The following ATP7B variants were observed in gnomAD, a reference collection of about 807,000 sequenced individuals.
ATP7B encodes ATPase copper transporting beta, also known as copper-transporting ATPase 2.
Under a neutral mutation model 118.9 loss-of-function variants are expected in ATP7B, and 113 were observed. The ratio of observed to expected loss-of-function variants is 0.95; its 90% CI spans 0.82 to 1.11. The LOEUF is 1.11. Among genes scored for constraint, ATP7B ranks in the 50% most tolerant of loss-of-function variants. The probability of loss-of-function intolerance (pLI) is 0.00; values close to 1 mark genes in which losing one functional copy is unlikely to be tolerated. For synonymous variants in ATP7B, 777 were observed against 727.4 expected, an observed-to-expected ratio of 1.07 and a Z score of -1.10; for missense variants, 1,867 against 1,871.4, an observed-to-expected ratio of 1.00 and a Z score of 0.04.
intron 1 of ATP7B, chr13:51,995,290 T>C: frequency 1.0e-6 from 1 of 985,308 alleles, no homozygotes; most frequent in Non-Finnish European, 1.2e-6. Context: ...CCAGGCTTTT[T>C]AGCCCATCTG....
chr13:51,958,382 TC>T lies in ATP7B; in HGVS notation c.2283del (p.Thr762HisfsTer45). On this transcript the variant is annotated frameshift_variant, in exon 8 of 21. Transcript: ENST00000242839. LOFTEE classifies it high-confidence loss of function. ...AVAEKAERSP[V>X]TFFDTPPMLF... ...AGCATGGGGGGCGTGTCGAAGAATG[TC>T]ACAGGGCTCCTCTCCGCCTTCTCAG... 6.2e-7 allele frequency: 1 copy of T among 1,614,128 alleles called. No individual in the cohort carries two copies. The highest frequency in any genetic ancestry group is 8.5e-7 in the Non-Finnish European group (1 of 1,180,002).
chr13:51,985,934 A>G (rs1403942143), intron 1 of ATP7B, among the ~76,000 whole-genome samples: 1 of 152,224 alleles, frequency 6.6e-6, no homozygotes, highest in Non-Finnish European at 1.5e-5. Flanking sequence ...GGAAATTTCT[A>G]GGACTAAATG....
intron 1 of ATP7B, among the ~76,000 whole-genome samples, chr13:51,993,796 C>T (rs2030841245): frequency 6.6e-6 from 1 of 152,136 alleles, no homozygotes; most frequent in South Asian, 2.1e-4. Flanking sequence ...ATTTATCATC[C>T]ACTTTGCAAT....
chr13:51,941,037 C>T, intron 16 of ATP7B, 44 bp downstream of exon 16: 2 of 1,613,000 alleles, frequency 1.2e-6, no homozygotes, highest in South Asian at 1.1e-5. Context: ...CTGCAGAAAA[C>T]TGTATTTCTG....
chr13:51,967,259 A>G, intron 4 of ATP7B: 2 of 769,600 alleles, frequency 2.6e-6, no homozygotes, highest in South Asian at 3.4e-5. Context: ...ACTGTGTTCA[A>G]TTATCTTTAT....
At chr13:51,958,182 G>A (rs1958478248) in intron 8 of ATP7B, 129 bp downstream of exon 8, 5 of 1,088,934 alleles carry the variant, frequency 4.6e-6, no homozygotes, top group Admixed American at 4.3e-5. Flanking sequence ...TAATTATATG[G>A]AGGTTTCCTA....
intron 3 of ATP7B, among the ~76,000 whole-genome samples, chr13:51,969,866 G>A (rs1951753535): frequency 6.6e-6 from 1 of 152,148 alleles, no homozygotes; most frequent in Non-Finnish European, 1.5e-5. Flanking sequence ...TGATTCTAAG[G>A]GCCAGGGAGT....
chr13:51,995,316 G>C (rs1035868504), intron 1 of ATP7B: 4 of 985,252 alleles, frequency 4.1e-6, no homozygotes, highest in Admixed American at 6.1e-5. Flanking sequence ...GCACTGACCT[G>C]ACTGGAACTC....
chr13:51,958,164 G>C (rs1010500703), intron 8 of ATP7B, 147 bp downstream of exon 8: 9 of 897,892 alleles, frequency 1.0e-5, no homozygotes, highest in South Asian at 3.3e-5. Context: ...TTAGTGACTA[G>C]AGCACCTTAA....
At chr13:51,973,263 G>A (rs956633793) in intron 2 of ATP7B, among the ~76,000 whole-genome samples, 4 of 152,166 alleles carry the variant, frequency 2.6e-5, no homozygotes, top group Admixed American at 6.5e-5. Flanking sequence ...CTCTATTTCA[G>A]GATACAGAAT....
intron 1 of ATP7B, among the ~76,000 whole-genome samples, chr13:51,976,004 C>A (rs887314054): frequency 2.6e-5 from 4 of 152,338 alleles, no homozygotes; most frequent in African/African-American, 7.2e-5. Flanking sequence ...ATTAAAGAAC[C>A]TGTTTTCTTA....
In ATP7B at chr13:51,942,463, A is replaced by T. The variant is rs746731660; in HGVS notation, c.3335T>A (p.Ile1112Asn). The change falls in exon 15 of 21, where the codon ATC becomes AAC. Residue 1112 changes from isoleucine (I) to asparagine (N), a missense_variant. Ile to Asn is a moderately radical substitution (Grantham distance 149, BLOSUM62 -3). Transcript: ENST00000242839. ...CAAAGGGCGCTCACTGTGGGCCAGGATGCCTTCCACGTTGCTGACTTTGCA... is the reference window on the plus strand; with the variant it reads ...CAAAGGGCGCTCACTGTGGGCCAGGTTGCCTTCCACGTTGCTGACTTTGCA... ...IGCKVSNVEG[I>N]LAHSERPLSA... 7.4e-6 allele frequency: 12 copies of T among 1,614,116 alleles called. No individual in the cohort carries two copies. The highest frequency in any genetic ancestry group is 1.0e-5 in the Non-Finnish European group (12 of 1,180,052).
rs1375753434 is a variant in ATP7B at position 51,997,989 on chromosome 13, C to G, written c.51+13298G>C. Among the ~76,000 whole-genome samples, 3 of 152,308 alleles carry G rather than the reference C, an allele frequency of 2.0e-5. No homozygotes were observed. The East Asian group carries it at 5.8e-4, about 29-fold the overall frequency. On this transcript the variant is annotated intron_variant, in intron 1 of 20. Coordinates refer to ENST00000242839, the MANE Select transcript of ATP7B (RefSeq NM_000053.4). ...CCAAGGCATGGGCCACCTTCCTAGG[C>G]TACAGTATTAAGTCCAAACTCCTCT... is the stretch of plus-strand genomic sequence containing the variant.
chr13:51,988,312 T>C (rs1952755282), intron 1 of ATP7B, among the ~76,000 whole-genome samples: 1 of 152,008 alleles, frequency 6.6e-6, no homozygotes, highest in African/African-American at 2.4e-5. Context: ...AAAAAGCTCA[T>C]CATCACTGGT....
In ATP7B at chr13:51,941,217, G is replaced by A. The variant is rs781499175; in HGVS notation, c.3420C>T (p.Val1140=). ...CAATCAGCACAGAGAAGGTCTGGGG[G>A]ACTGCATCTATTCAAAAGAGGCTGT... ...AGSLPAEKDA[V]PQTFSVLIGN... is the part of the protein sequence containing the mutation. Residue 1140 remains valine (V), a synonymous_variant, in exon 16 of 21, where the codon GTC becomes GTT. Coordinates refer to ENST00000242839, the MANE Select transcript of ATP7B (RefSeq NM_000053.4). 1.2e-6 allele frequency: 2 copies of A among 1,614,038 alleles called. No homozygotes were observed. Among genetic ancestry groups the A allele is most frequent in the Non-Finnish European group, 8.5e-7 (1 of 1,179,998 alleles).
In ATP7B at chr13:51,937,248, T is replaced by C. The variant is rs1326798623; in HGVS notation, c.4021+28A>G. 7 of 1,600,886 alleles carry C rather than the reference T, an allele frequency of 4.4e-6. No individual in the cohort carries two copies. In the East Asian group the frequency reaches 1.6e-4, roughly 36 times the overall value. ...AGACAGAAGCCTTTCTGGGCGCAGC[T>C]GGAGCACAGTGGGTAAGAGCTGCCT... is the stretch of plus-strand genomic sequence containing the variant. On this transcript the variant is annotated intron_variant, in intron 19 of 20. Transcript: ENST00000242839.
chr13:51,953,936 T>C lies in ATP7B; in HGVS notation c.2448-3537A>G, dbSNP rs931039332. Among the ~76,000 whole-genome samples the C allele has an allele frequency of 6.7e-5, 10 of 149,958 alleles. No homozygotes were observed. The Admixed American group carries it at 6.7e-4, about 10-fold the overall frequency. ...AGCCTTTTAATATCAAGCACACACATGCATGTGTGCAGTATGTTTCTTTAA... is the reference window on the plus strand; with the variant it reads ...AGCCTTTTAATATCAAGCACACACACGCATGTGTGCAGTATGTTTCTTTAA... On this transcript the variant is annotated intron_variant, in intron 9 of 20. Transcript: ENST00000242839.
intron 1 of ATP7B, among the ~76,000 whole-genome samples, chr13:51,999,349 A>G (rs2140489664): frequency 6.6e-6 from 1 of 152,292 alleles, no homozygotes; most frequent in Middle Eastern, 3.4e-3. Flanking sequence ...ATCGCTGCTG[A>G]TCTCCAAGAC....
intron 1 of ATP7B, among the ~76,000 whole-genome samples, chr13:52,006,261 TG>T (rs1195757843): frequency 6.6e-6 from 1 of 152,186 alleles, no homozygotes; most frequent in East Asian, 1.9e-4. Flanking sequence ...CAGTGAGCAG[TG>T]TTCATGTTAC....
Sources: allele counts gnomAD v4.1 joint callset (sites outside exome capture counted in the v4.1 genomes callset), GRCh38; gene constraint gnomAD v4.1.1; transcripts MANE v1.5; gene names NCBI Gene and HGNC (gene_info 2026-07-23, HGNC 2026-07-21).